Variants in MARCHF6 observed in about 807,000 individuals in gnomAD.
MARCHF6 encodes the protein E3 ubiquitin-protein ligase MARCHF6.
MARCHF6 carries 31 observed loss-of-function variants against 133.7 expected under a neutral mutation model. The ratio of observed to expected loss-of-function variants is 0.23; its 90% CI spans 0.17 to 0.31. The LOEUF (loss-of-function observed/expected upper bound fraction) is 0.31. Among genes scored for constraint, MARCHF6 ranks in the 10% least tolerant of loss-of-function variants. MARCHF6 has a pLI of 1.00. For missense variants in MARCHF6, 723 were observed against 1,121.6 expected, an observed-to-expected ratio of 0.64 and a Z score of 5.08; for synonymous variants, 395 against 402.5, an observed-to-expected ratio of 0.98 and a Z score of 0.22.
chr5:10,407,737 T>C (rs1738984014), intron 17 of MARCHF6, among the ~76,000 whole-genome samples: 1 of 152,208 alleles, frequency 6.6e-6, no homozygotes, highest in South Asian at 2.1e-4. Flanking sequence ...GCGGATCACC[T>C]GAGATTGGGA....
At chr5:10,404,370 A>T (rs1738754082) in intron 15 of MARCHF6, among the ~76,000 whole-genome samples, 1 of 152,116 alleles carries the variant, frequency 6.6e-6, no homozygotes, top group South Asian at 2.1e-4. Context: ...GCCTGGCCTG[A>T]TACCTTTATT....
At chr5:10,410,973 T>C (rs1363569036) in intron 18 of MARCHF6, among the ~76,000 whole-genome samples, 1 of 152,232 alleles carries the variant, frequency 6.6e-6, no homozygotes, top group Non-Finnish European at 1.5e-5. Flanking sequence ...TTGTACATTG[T>C]AAGTATGTAC....
rs1740713601 is a variant in MARCHF6, at chr5:10,437,925, A to C, written c.*4241A>C. On this transcript the variant is annotated 3_prime_UTR_variant, in exon 26 of 26. Transcript: ENST00000274140. ...GCAGAAATATGCATTATTAGCCAGC[A>C]TAGATAATCCAGATGTTATAATAGG... The C allele has an allele frequency of 6.5e-6, 1 of 152,738 alleles. No homozygotes were observed. The highest frequency in any genetic ancestry group is 1.5e-5 in the Non-Finnish European group (1 of 68,046). 9.5% of individuals were successfully genotyped at this position (152,738 alleles called of 1,614,324 possible).
In MARCHF6 at chr5:10,402,397, T is replaced by C. The variant is rs1224135778; in HGVS notation, c.1067T>C (p.Leu356Pro). 4 of 1,613,920 alleles carry C rather than the reference T, an allele frequency of 2.5e-6. No homozygotes were observed. The highest frequency in any genetic ancestry group is 3.4e-6 in the Non-Finnish European group (4 of 1,179,916). ...TLIICHGLAT[L>P]VKFHRSRRLL... Reference sequence around the variant, plus strand: ...CTGATGCTGTAGGGCTTGGCAACTCTTGTGAAATTTCATAGATCTCGTCGC... The same window carrying C: ...CTGATGCTGTAGGGCTTGGCAACTCCTGTGAAATTTCATAGATCTCGTCGC... The change falls in exon 13 of 26, where the codon CTT becomes CCT. Residue 356 changes from leucine to proline, a missense_variant. By Grantham distance (98) the Leu-to-Pro change is moderately conservative (BLOSUM62 -3). Coordinates refer to ENST00000274140, the MANE Select transcript of MARCHF6 (RefSeq NM_005885.4).
intron 22 of MARCHF6, 124 bp downstream of exon 22, chr5:10,417,528 T>A: frequency 2.3e-6 from 3 of 1,283,616 alleles, no homozygotes; most frequent in Non-Finnish European, 3.3e-6. Context: ...GGAGGACTGC[T>A]TGCACCCAGG....
In MARCHF6 at chr5:10,403,306, C is replaced by G. The variant is rs144467083; in HGVS notation, c.1198-101C>G. On this transcript the variant is annotated intron_variant, in intron 14 of 25. Transcript: ENST00000274140. ...GTGAACTGCAGTTCTAGGAATTGTT[C>G]CTTGCATGCATATTGATTATTTATT... 1.8e-3 allele frequency: 2,050 copies of G among 1,140,378 alleles called. 3 individuals are homozygous for G. Among genetic ancestry groups the G allele is most frequent in the Non-Finnish European group, 2.4e-3 (1,899 of 795,316 alleles). The allele number at this position is 1,140,378 out of a possible 1,614,324, so 70.6% of individuals were successfully genotyped here.
chr5:10,363,224 TAGAA>T (rs568510865), intron 1 of MARCHF6, among the ~76,000 whole-genome samples: 8 of 152,234 alleles, frequency 5.3e-5, no homozygotes, highest in Middle Eastern at 3.4e-3. Flanking sequence ...CTTTCAAAAT[TAGAA>T]AGACACTTAA....
chr5:10,433,656 C>T lies in MARCHF6; in HGVS notation c.2705C>T (p.Pro902Leu), dbSNP rs770241514. The change falls in exon 26 of 26, where the codon CCA becomes CTA. Residue 902 changes from proline to leucine, a missense_variant. Around this residue, in one of 4 missense-constraint regions of MARCHF6, gnomAD observed 492 missense variants for 699.5 expected, o/e 0.70. Coordinates refer to ENST00000274140, the MANE Select transcript of MARCHF6 (RefSeq NM_005885.4). ...AAATCTGGCAAACAAGGCTCATCTC[C>T]ACCACCTCCACAGTCATCCCAAGAA... ...ERKSGKQGSS[P>L]PPPQSSQE 6.8e-6 allele frequency: 11 copies of T among 1,614,186 alleles called. No homozygotes were observed. The highest frequency in any genetic ancestry group is 1.6e-4 in the Middle Eastern group (1 of 6,062).
At position 10,353,893 on chromosome 5, in the gene MARCHF6, G is replaced by T; in HGVS notation, c.-6G>T. 6.4e-7 allele frequency: 1 copy of T among 1,564,724 alleles called. No individual in the cohort carries two copies. The stretch of plus-strand genomic sequence containing the variant: ...TGGCTGCGTCACCGCCGCCCCCCCA[G>T]ACAAGATGGACACCGCGGAGGAAGG... On this transcript the variant is annotated 5_prime_UTR_variant, in exon 1 of 26. Transcript: ENST00000274140.
In MARCHF6 at chr5:10,430,039, C is replaced by T. The variant is rs371160393; in HGVS notation, c.2642+11C>T. ...TATTAAAAATGACAAGTAAGTCTGG[C>T]GTTCTGTTCGTCTCTTGTTTAAGTG... On this transcript the variant is annotated intron_variant, in intron 25 of 25. Transcript: ENST00000274140. The T allele has an allele frequency of 2.0e-5, 32 of 1,603,406 alleles. No individual in the cohort carries two copies. The highest frequency in any genetic ancestry group is 5.3e-5 in the African/African-American group (4 of 74,800).
chr5:10,433,828 C>T lies in MARCHF6; in HGVS notation c.*144C>T, dbSNP rs117046686. 1.8e-3 allele frequency: 1,183 copies of T among 672,182 alleles called. 18 individuals are homozygous for T. In the East Asian group the frequency reaches 0.029, roughly 17 times the overall value. The allele number at this position is 672,182 out of a possible 1,614,324, so 41.6% of individuals were successfully genotyped here. ...TGTGTTCTCAGCATTCAGAGAGCAGCGGTGTAAGATTCTGCTGTTCTCCCT... is the reference window on the plus strand; with the variant it reads ...TGTGTTCTCAGCATTCAGAGAGCAGTGGTGTAAGATTCTGCTGTTCTCCCT... On this transcript the variant is annotated 3_prime_UTR_variant, in exon 26 of 26. Transcript: ENST00000274140.
intron 2 of MARCHF6, among the ~76,000 whole-genome samples, 166 bp from the exon 3 acceptor site, chr5:10,378,593 C>G (rs184426936): frequency 6.6e-6 from 1 of 152,252 alleles, no homozygotes; most frequent in Admixed American, 6.5e-5. Flanking sequence ...TGTAGTTTTT[C>G]ATTCTTAGAA....
intron 1 of MARCHF6, among the ~76,000 whole-genome samples, chr5:10,368,816 G>A (rs978339639): frequency 1.3e-5 from 2 of 152,300 alleles, no homozygotes; most frequent in Admixed American, 6.5e-5. Flanking sequence ...CAAGCAGTCT[G>A]CCCACCATGG....
intron 7 of MARCHF6, 57 bp downstream of exon 7, chr5:10,391,788 C>A: frequency 7.2e-7 from 1 of 1,388,578 alleles, no homozygotes; most frequent in Non-Finnish European, 9.4e-7. Context: ...TCTCAACTTG[C>A]ATTGAGGAAA....
intron 1 of MARCHF6, among the ~76,000 whole-genome samples, chr5:10,365,273 T>C (rs1736071588): frequency 6.6e-6 from 1 of 152,032 alleles, no homozygotes; most frequent in Admixed American, 6.6e-5. Context: ...AAGTAAACTT[T>C]GGGGTACATA....
chr5:10,411,230 A>G (rs1270823427), intron 18 of MARCHF6, 103 bp from the exon 19 acceptor site: 3 of 898,014 alleles, frequency 3.3e-6, no homozygotes, highest in African/African-American at 3.3e-5. Flanking sequence ...TCTGTATTAT[A>G]CATTTTCTAC....
chr5:10,382,525 C>T (rs1737213177), intron 4 of MARCHF6, among the ~76,000 whole-genome samples: 1 of 151,294 alleles, frequency 6.6e-6, no homozygotes, highest in African/African-American at 2.4e-5. Flanking sequence ...CTGCAACCCT[C>T]CTTTAAAAAA....
chr5:10,353,960 C>T (rs560370992), intron 1 of MARCHF6, 43 bp downstream of exon 1: 82 of 1,529,078 alleles, frequency 5.4e-5, no homozygotes, highest in Middle Eastern at 1.8e-4. Context: ...GCGTCGGCGC[C>T]CGGGTTCGTA....
At chr5:10,377,623 TTAGA>T (rs1736870168) in intron 1 of MARCHF6, among the ~76,000 whole-genome samples, 171 bp from the exon 2 acceptor site, 1 of 152,252 alleles carries the variant, frequency 6.6e-6, no homozygotes, top group Admixed American at 6.5e-5. Context: ...TTTTTTAGTT[TTAGA>T]TAAACACTTG....
Sources: gnomAD v4.1 joint callset for allele counts (sites outside exome capture counted in the v4.1 genomes callset) on GRCh38, gnomAD v4.1.1 for gene constraint, gnomAD v4.1.1 regional missense constraint, MANE v1.5 for transcripts, NCBI Gene and HGNC (gene_info 2026-07-23, HGNC 2026-07-21) for gene names.